Variants in MAGI2 observed in about 807,000 individuals in gnomAD.
MAGI2 encodes the protein membrane-associated guanylate kinase, WW and PDZ domain-containing protein 2.
In MAGI2, 35 loss-of-function variants were observed where a neutral mutation model predicts 133.3. That is an observed-to-expected ratio of 0.26 (90% CI 0.20 to 0.35). MAGI2 has a LOEUF of 0.35. Ranked by LOEUF, MAGI2 falls within the 10% of genes least tolerant of loss-of-function variation. The probability of loss-of-function intolerance (pLI) is 1.00; values close to 1 mark genes in which losing one functional copy is unlikely to be tolerated. For missense variants in MAGI2, 1,636 were observed against 1,863.4 expected (o/e 0.88, Z 2.25); for synonymous variants, 729 against 710.6 (o/e 1.03, Z -0.41).
chr7:78,693,141 A>C (rs1382597829), intron 2 of MAGI2, among the ~76,000 whole-genome samples: 1 of 152,154 alleles, frequency 6.6e-6, no homozygotes, highest in African/African-American at 2.4e-5. Flanking sequence ...CATCTTTGCC[A>C]CTTGCTGGTT....
At chr7:78,841,483 T>G (rs1336046001) in intron 2 of MAGI2, among the ~76,000 whole-genome samples, 1 of 151,910 alleles carries the variant, frequency 6.6e-6, no homozygotes, top group Non-Finnish European at 1.5e-5. Context: ...TTCTGGGAGA[T>G]CTCATCCTTA....
intron 1 of MAGI2, among the ~76,000 whole-genome samples, chr7:79,225,808 G>A (rs1196890599): frequency 6.6e-6 from 1 of 152,162 alleles, no homozygotes; most frequent in Non-Finnish European, 1.5e-5. Context: ...GCTCAACTGA[G>A]CCTGTTTTGT....
At chr7:78,994,185 C>A (rs1021891570) in intron 2 of MAGI2, among the ~76,000 whole-genome samples, 1 of 152,084 alleles carries the variant, frequency 6.6e-6, no homozygotes, top group Non-Finnish European at 1.5e-5. Context: ...TGAGTCAGTA[C>A]AGAGCCAGCT....
intron 2 of MAGI2, among the ~76,000 whole-genome samples, chr7:78,960,541 A>C (rs777277332): frequency 4.6e-5 from 7 of 152,142 alleles, no homozygotes; most frequent in African/African-American, 1.4e-4. Context: ...TATTCAAAGA[A>C]ATGTAAAACA....
intron 21 of MAGI2, among the ~76,000 whole-genome samples, chr7:78,052,096 C>T (rs1199585514): frequency 6.6e-6 from 1 of 152,048 alleles, no homozygotes; most frequent in Non-Finnish European, 1.5e-5. Context: ...GTCTTGAATT[C>T]CGGAGCTTCA....
At chr7:78,281,408 G>GA (rs1481428334) in intron 9 of MAGI2, among the ~76,000 whole-genome samples, 1 of 152,018 alleles carries the variant, frequency 6.6e-6, no homozygotes, top group Non-Finnish European at 1.5e-5. Flanking sequence ...CACCAGATCT[G>GA]ATGGTTTCAT....
chr7:79,226,918 G>C (rs778373192), intron 1 of MAGI2, among the ~76,000 whole-genome samples: 20 of 152,070 alleles, frequency 1.3e-4, no homozygotes, highest in Non-Finnish European at 2.8e-4. Flanking sequence ...ACTATTGCCT[G>C]ATTCTTTTGT....
At chr7:79,301,714 T>G (rs1372606007) in intron 1 of MAGI2, among the ~76,000 whole-genome samples, 4 of 152,208 alleles carry the variant, frequency 2.6e-5, no homozygotes, top group East Asian at 1.9e-4. Context: ...ACATAAGATT[T>G]TGAAAGGGCC....
At chr7:79,366,881 CATA>C (rs1485787958) in intron 1 of MAGI2, among the ~76,000 whole-genome samples, 3 of 152,092 alleles carry the variant, frequency 2.0e-5, no homozygotes, top group East Asian at 3.9e-4. Context: ...ATTCCTAATA[CATA>C]ATAATTTATT....
chr7:79,320,803 T>C (rs985082399), intron 1 of MAGI2, among the ~76,000 whole-genome samples: 15 of 152,184 alleles, frequency 9.9e-5, no homozygotes, highest in African/African-American at 2.7e-4. Flanking sequence ...AATAGGGAAC[T>C]ATGCACATCA....
At chr7:78,492,672 G>A (rs920628414) in intron 5 of MAGI2, among the ~76,000 whole-genome samples, 1 of 152,082 alleles carries the variant, frequency 6.6e-6, no homozygotes, top group South Asian at 2.1e-4. Context: ...GTTTAAGGAG[G>A]GTATTTCCTT....
intron 1 of MAGI2, among the ~76,000 whole-genome samples, chr7:79,157,699 T>G (rs2129547431): frequency 6.6e-6 from 1 of 152,210 alleles, no homozygotes; most frequent in Admixed American, 6.6e-5. Context: ...ATATGGTCTT[T>G]GTGCACATTT....
chr7:78,220,436 C>A (rs1237126874), intron 10 of MAGI2, among the ~76,000 whole-genome samples: 2 of 152,168 alleles, frequency 1.3e-5, no homozygotes, highest in Non-Finnish European at 1.5e-5. Flanking sequence ...AGATTATAAG[C>A]TTCTTGAGGG....
intron 3 of MAGI2, among the ~76,000 whole-genome samples, chr7:78,530,432 CA>C (rs1563129794): frequency 6.6e-6 from 1 of 152,080 alleles, no homozygotes; most frequent in South Asian, 2.1e-4. Context: ...AGAAGGTAAA[CA>C]AAAAAAGAAT....
At chr7:78,032,009 C>CTTTTT (rs377672697) in intron 21 of MAGI2, among the ~76,000 whole-genome samples, 19 of 124,166 alleles carry the variant, frequency 1.5e-4, no homozygotes, top group Non-Finnish European at 1.8e-4. Context: ...AGCCCCCCCA[C>CTTTTT]TTTTTTTTTT....
At chr7:78,687,424 T>C (rs1156476735) in intron 2 of MAGI2, among the ~76,000 whole-genome samples, 1 of 152,186 alleles carries the variant, frequency 6.6e-6, no homozygotes, top group Non-Finnish European at 1.5e-5. Flanking sequence ...AATGAAAATG[T>C]TAATTCCTAA....
At chr7:78,932,672 T>A (rs760059153) in intron 2 of MAGI2, among the ~76,000 whole-genome samples, 4 of 152,052 alleles carry the variant, frequency 2.6e-5, no homozygotes, top group Non-Finnish European at 5.9e-5. Flanking sequence ...AAACTATGAA[T>A]GTTTAATAGG....
chr7:78,690,645 G>A (rs1289577028), intron 2 of MAGI2, among the ~76,000 whole-genome samples: 1 of 152,164 alleles, frequency 6.6e-6, no homozygotes, highest in Non-Finnish European at 1.5e-5. Context: ...AATTACTCAT[G>A]TTTTGTTTCT....
chr7:78,020,630 T>C (rs1467651923), intron 21 of MAGI2, among the ~76,000 whole-genome samples: 7 of 152,000 alleles, frequency 4.6e-5, no homozygotes, highest in African/African-American at 1.7e-4. Flanking sequence ...TACAAATTTG[T>C]GTTGGGTCAC....
Sources: gnomAD v4.1 joint callset for allele counts (sites outside exome capture counted in the v4.1 genomes callset) on GRCh38, gnomAD v4.1.1 for gene constraint, MANE v1.5 for transcripts, NCBI Gene and HGNC (gene_info 2026-07-23, HGNC 2026-07-21) for gene names.